The following CEP290 variants were observed in gnomAD, a reference collection of about 807,000 sequenced individuals.
The protein encoded by CEP290 is centrosomal protein 290.
Under a neutral mutation model 344.9 loss-of-function variants are expected in CEP290, and 317 were observed. The ratio of observed to expected loss-of-function variants is 0.92; its 90% CI spans 0.84 to 1.01. The LOEUF is 1.01. Among genes scored for constraint, CEP290 ranks in the 50% least tolerant of loss-of-function variants. The pLI is 0.00. For synonymous variants in CEP290, 932 were observed against 895.8 expected, an observed-to-expected ratio of 1.04 and a Z score of -0.72; for missense variants, 2,754 against 2,761.4, an observed-to-expected ratio of 1.00 and a Z score of 0.06.
At chr12:88,061,567 T>C (rs986426628) in intron 46 of CEP290, among the ~76,000 whole-genome samples, 49 of 152,148 alleles carry the variant, frequency 3.2e-4, no homozygotes, top group African/African-American at 1.1e-3. Flanking sequence ...ATAAAAATAA[T>C]TTTTAACAGT....
chr12:88,116,190 T>A, intron 18 of CEP290: 5 of 315,690 alleles, frequency 1.6e-5, no homozygotes, highest in Non-Finnish European at 2.3e-5. Flanking sequence ...CTTCATACAG[T>A]CATCAGAAAA....
chr12:88,092,913 C>T lies in CEP290; in HGVS notation c.3310-81G>A, dbSNP rs549625654. 51 of 1,306,422 alleles carry T rather than the reference C, an allele frequency of 3.9e-5. No homozygotes were observed. The East Asian group carries it at 1.2e-3, about 31-fold the overall frequency. 80.9% of individuals were successfully genotyped at this position (1,306,422 alleles called of 1,614,324 possible). A position where few individuals can be genotyped will look rare whatever the true frequency, so the allele number is the denominator to read the frequency against. On this transcript the variant is annotated intron_variant, in intron 28 of 53. Transcript: ENST00000552810. ...TTGTAATTTAGCTTTTAAAGTACTG[C>T]AATCCTCTTTACTTGGCCTTAGTTC...
Position 88,060,034 on chromosome 12 carries a change from AAAC to A in CEP290, c.6523-17_6523-15del, listed in dbSNP as rs751359519. The A allele has an allele frequency of 4.0e-5, 60 of 1,512,408 alleles. No individual in the cohort carries two copies. The African/African-American group carries it at 7.8e-4, about 20-fold the overall frequency. The allele number at this position is 1,512,408 out of a possible 1,614,324, so 93.7% of individuals were successfully genotyped here. ...TTCTAATTCAGCCTAGTAAAAAAAC[AAAC>A]AAAATAAAAAGTATACATTATCAAA... On this transcript the variant is annotated splice_polypyrimidine_tract_variant and intron_variant, in intron 47 of 53. Transcript: ENST00000552810.
chr12:88,109,310 C>A, intron 22 of CEP290, 129 bp from the exon 23 acceptor site: 1 of 481,464 alleles, frequency 2.1e-6, no homozygotes, highest in Non-Finnish European at 3.7e-6. Context: ...GTAAGCAACA[C>A]AGATCATTTT....
chr12:88,082,024 A>T (rs1168654480), intron 37 of CEP290, among the ~76,000 whole-genome samples: 1 of 152,226 alleles, frequency 6.6e-6, no homozygotes, highest in Non-Finnish European at 1.5e-5. Context: ...ATTCTGTCAG[A>T]GGCATTTGAA....
At chr12:88,101,208 G>A (rs1232753309) in intron 26 of CEP290, among the ~76,000 whole-genome samples, 5 of 152,032 alleles carry the variant, frequency 3.3e-5, no homozygotes, top group Admixed American at 3.3e-4. Flanking sequence ...GGGGCCAGGT[G>A]CGGTGGCTCA....
chr12:88,085,808 T>C (rs1416020434), intron 34 of CEP290, among the ~76,000 whole-genome samples: 2 of 152,152 alleles, frequency 1.3e-5, no homozygotes, highest in African/African-American at 4.8e-5. Flanking sequence ...TTATTTCCTT[T>C]CATATTCAGT....
At chr12:88,054,518 A>G in intron 50 of CEP290, 105 bp from the exon 51 acceptor site, 1 of 880,520 alleles carries the variant, frequency 1.1e-6, no homozygotes, top group East Asian at 2.7e-5. Flanking sequence ...TATGGTTTTC[A>G]AAAGCACGCA....
In CEP290 at chr12:88,059,986, T is replaced by C. The variant is rs371858276; in HGVS notation, c.6557A>G (p.His2186Arg). Residue 2186 changes from histidine to arginine, a missense_variant, in exon 48 of 54, where the codon CAT becomes CGT. Physicochemically the swap from His to Arg is conservative, Grantham distance 29. Coordinates refer to ENST00000552810, the MANE Select transcript of CEP290 (RefSeq NM_025114.4). ...ELEKLKAHLG[H>R]QLSMHYESKT... ...GGATTCATAGTGCATGCTCAACTGA[T>C]GCCCAAGATGAGCTTTAAGTTTTTC... 1.3e-6 allele frequency: 2 copies of C among 1,574,192 alleles called. No homozygotes were observed. The highest frequency in any genetic ancestry group is 1.7e-6 in the Non-Finnish European group (2 of 1,161,650).
chr12:88,058,767 T>A (rs1255264228), intron 49 of CEP290, 81 bp downstream of exon 49: 3 of 1,356,680 alleles, frequency 2.2e-6, no homozygotes, highest in Non-Finnish European at 3.1e-6. Flanking sequence ...AACCAGGTTA[T>A]CCAGAATAGT....
intron 13 of CEP290, among the ~76,000 whole-genome samples, chr12:88,124,956 T>C (rs1199405352): frequency 1.3e-5 from 2 of 152,114 alleles, no homozygotes; most frequent in East Asian, 3.9e-4. Flanking sequence ...TTATAAAAAG[T>C]TAAATAAAAA....
At chr12:88,099,748 A>T (rs1049819483) in intron 26 of CEP290, among the ~76,000 whole-genome samples, 8 of 152,170 alleles carry the variant, frequency 5.3e-5, no homozygotes, top group Non-Finnish European at 8.8e-5. Context: ...ATGAATACAC[A>T]GGAGGGAAAA....
intron 23 of CEP290, among the ~76,000 whole-genome samples, chr12:88,108,070 G>C (rs1247938129): frequency 1.3e-5 from 2 of 151,980 alleles, no homozygotes; most frequent in African/African-American, 4.8e-5. Flanking sequence ...ACACCATGTT[G>C]TATACCATAA....
At chr12:88,110,962 T>C (rs2038646278) in intron 22 of CEP290, among the ~76,000 whole-genome samples, 1 of 152,184 alleles carries the variant, frequency 6.6e-6, no homozygotes. Flanking sequence ...TGGTATAAAT[T>C]GCTTTTATTT....
rs1234975160 is a variant in CEP290, at chr12:88,060,913, C to A, written c.6439G>T (p.Glu2147Ter). The A allele has an allele frequency of 6.4e-7, 1 of 1,554,990 alleles. No homozygotes were observed. Among genetic ancestry groups the A allele is most frequent in the Admixed American group, 2.0e-5 (1 of 50,866 alleles). ...MKKVVEKVQR[E>*]NEQLKKASGI... ...GATGCTTTTTTCAACTGTTCATTTT[C>A]TCTCTGGACTTTTTCAACTACTTTT... is the stretch of plus-strand genomic sequence containing the variant. Residue 2147 changes from glutamate (E) to a stop codon, truncating the protein, a stop_gained, in exon 47 of 54, where the codon GAA becomes TAA. Coordinates refer to ENST00000552810, the MANE Select transcript of CEP290 (RefSeq NM_025114.4). LOFTEE classifies it high-confidence loss of function.
At chr12:88,108,382 TC>T (rs372531697) in intron 23 of CEP290, among the ~76,000 whole-genome samples, 15 of 152,340 alleles carry the variant, frequency 9.8e-5, no homozygotes, top group African/African-American at 3.6e-4. Context: ...GGGCACATCA[TC>T]TTTCTTGAAT....
At chr12:88,071,250 G>GT (rs761532020) in intron 43 of CEP290, 44 bp downstream of exon 43, 1 of 1,519,158 alleles carries the variant, frequency 6.6e-7, no homozygotes, top group East Asian at 2.3e-5. Context: ...GGGTCAACCA[G>GT]TTTTTCATTA....
Position 88,117,061 on chromosome 12 carries a change from A to T in CEP290, c.1796T>A (p.Leu599His). The change falls in exon 18 of 54, where the codon CTC (leucine) becomes CAC (histidine). Residue 599 changes from leucine (L) to histidine (H), a missense_variant. Coordinates refer to ENST00000552810, the MANE Select transcript of CEP290 (RefSeq NM_025114.4). ...ISERKLDLLS[L>H]KNMSEAQSKN... is the part of the protein sequence containing the mutation. ...TGATTGTGCTTCACTCATATTTTTG[A>T]GGCTCAATAAATCCAATTTTCTTTC... 6.5e-7 allele frequency: 1 copy of T among 1,538,144 alleles called. No individual in the cohort carries two copies.
In CEP290 at chr12:88,126,389, A is replaced by G; in HGVS notation, c.992T>C (p.Leu331Ser). 6.6e-7 allele frequency: 1 copy of G among 1,521,594 alleles called. No individual in the cohort carries two copies. Among genetic ancestry groups the G allele is most frequent in the Non-Finnish European group, 8.8e-7 (1 of 1,139,254 alleles). The allele number at this position is 1,521,594 out of a possible 1,614,324, so 94.3% of individuals were successfully genotyped here. The stretch of plus-strand genomic sequence containing the variant: ...CTTAAGTTTCTCCCTTAGGTTATGT[A>G]ACATTTGCTGATACTCAATAATTTC... ...DDEIIEYQQM[L>S]HNLREKLKNA... Residue 331 changes from leucine to serine, a missense_variant, in exon 12 of 54, where the codon TTA (leucine) becomes TCA (serine). Leu to Ser is a moderately radical substitution (Grantham distance 145, BLOSUM62 -2). Coordinates refer to ENST00000552810, the MANE Select transcript of CEP290 (RefSeq NM_025114.4).
Sources: gnomAD v4.1 joint callset for allele counts (sites outside exome capture counted in the v4.1 genomes callset) on GRCh38, gnomAD v4.1.1 for gene constraint, MANE v1.5 for transcripts, NCBI Gene and HGNC (gene_info 2026-07-23, HGNC 2026-07-21) for gene names.